Variants in ADAMTSL1 observed in about 807,000 individuals in gnomAD.
ADAMTSL1 encodes ADAMTS-like protein 1.
In ADAMTSL1, 126 loss-of-function variants were observed where a neutral mutation model predicts 201.8. The ratio of observed to expected loss-of-function variants is 0.62; its 90% confidence interval spans 0.54 to 0.72. The LOEUF (loss-of-function observed/expected upper bound fraction) is 0.72. Ranked by LOEUF, ADAMTSL1 falls within the 30% of genes least tolerant of loss-of-function variation. The pLI is 0.00. For missense variants in ADAMTSL1, 2,679 were observed against 2,277.8 expected, an observed-to-expected ratio of 1.18 and a Z score of -3.59; for synonymous variants, 1,121 against 903.4, an observed-to-expected ratio of 1.24 and a Z score of -4.32.
intron 5 of ADAMTSL1, chr9:18,622,685 G>A (rs367666243): frequency 1.5e-4 from 79 of 510,444 alleles, no homozygotes; most frequent in South Asian, 1.1e-3. Flanking sequence ...CAGCTCCTGC[G>A]TGATGTGTAG....
At chr9:17,973,071 G>T in intron 1 of ADAMTSL1, among the ~76,000 whole-genome samples, 1 of 22,564 alleles carries the variant, frequency 4.4e-5, no homozygotes, top group African/African-American at 1.2e-4. Context: ...TTAACCCTTT[G>T]TCAGATGAGT....
intron 1 of ADAMTSL1, among the ~76,000 whole-genome samples, chr9:18,030,262 C>G (rs1010091739): frequency 5.3e-5 from 8 of 152,110 alleles, no homozygotes; most frequent in Admixed American, 3.9e-4. Context: ...ATGGATGAAA[C>G]TGGAAACCAT....
At chr9:18,827,227 T>A (rs1824635111) in intron 22 of ADAMTSL1, among the ~76,000 whole-genome samples, 1 of 151,828 alleles carries the variant, frequency 6.6e-6, no homozygotes, top group Non-Finnish European at 1.5e-5. Flanking sequence ...GCACTTATGC[T>A]CTAATTATGC....
chr9:18,143,523 T>G (rs575813062), intron 1 of ADAMTSL1, among the ~76,000 whole-genome samples: 50 of 152,212 alleles, frequency 3.3e-4, no homozygotes, highest in African/African-American at 1.2e-3. Context: ...AAGCCGGGTT[T>G]TTTGTCACTC....
intron 21 of ADAMTSL1, among the ~76,000 whole-genome samples, chr9:18,824,180 AT>A (rs5896809): frequency 9.3e-5 from 14 of 149,818 alleles, no homozygotes; most frequent in East Asian, 5.9e-4. Flanking sequence ...AATGCCGTGG[AT>A]TTTTTTTTTT....
At chr9:18,808,707 T>C (rs1379885828) in intron 20 of ADAMTSL1, among the ~76,000 whole-genome samples, 8 of 152,348 alleles carry the variant, frequency 5.3e-5, no homozygotes, top group Middle Eastern at 3.4e-3. Flanking sequence ...TCTTGTATTA[T>C]AGCAGGACAG....
intron 2 of ADAMTSL1, among the ~76,000 whole-genome samples, chr9:18,174,779 G>T (rs1358199850): frequency 6.6e-6 from 1 of 152,038 alleles, no homozygotes; most frequent in Non-Finnish European, 1.5e-5. Flanking sequence ...TTTAAAATTT[G>T]TATCCTGTTT....
At chr9:18,790,260 G>A (rs1821946360) in intron 19 of ADAMTSL1, among the ~76,000 whole-genome samples, 1 of 152,126 alleles carries the variant, frequency 6.6e-6, no homozygotes, top group Admixed American at 6.5e-5. Flanking sequence ...TCACACAGTT[G>A]AATGACTTGC....
intron 5 of ADAMTSL1, among the ~76,000 whole-genome samples, chr9:18,632,412 A>G (rs542686783): frequency 3.3e-5 from 5 of 152,222 alleles, no homozygotes; most frequent in African/African-American, 1.2e-4. Flanking sequence ...CAGATGACAC[A>G]TAAGAAAAAG....
chr9:18,626,420 G>A (rs1826362587), intron 5 of ADAMTSL1, among the ~76,000 whole-genome samples: 1 of 152,326 alleles, frequency 6.6e-6, no homozygotes, highest in Middle Eastern at 3.4e-3. Flanking sequence ...GCAGAAGTCA[G>A]GGAGAAGAAA....
chr9:18,203,960 T>C (rs1213969672), intron 2 of ADAMTSL1, among the ~76,000 whole-genome samples: 2 of 152,060 alleles, frequency 1.3e-5, no homozygotes, highest in African/African-American at 2.4e-5. Flanking sequence ...CACAGGTAAT[T>C]TACTGGGGAG....
At chr9:18,126,857 G>A (rs1201111176) in intron 1 of ADAMTSL1, among the ~76,000 whole-genome samples, 1 of 152,124 alleles carries the variant, frequency 6.6e-6, no homozygotes, top group African/African-American at 2.4e-5. Context: ...TGAAAACCCA[G>A]ATTGCAACAA....
At chr9:18,889,799 C>T in intron 25 of ADAMTSL1, 51 bp downstream of exon 25, 2 of 1,402,084 alleles carry the variant, frequency 1.4e-6, no homozygotes, top group Non-Finnish European at 1.9e-6. Context: ...GAGGAGCCCT[C>T]CCTGTTAGCG....
chr9:18,230,825 A>T (rs1329607760), intron 2 of ADAMTSL1, among the ~76,000 whole-genome samples: 2 of 152,208 alleles, frequency 1.3e-5, no homozygotes. Context: ...CCAGATGTTA[A>T]AATTACATCC....
intron 1 of ADAMTSL1, among the ~76,000 whole-genome samples, chr9:18,068,399 A>C (rs959327936): frequency 6.6e-6 from 1 of 152,206 alleles, no homozygotes; most frequent in Non-Finnish European, 1.5e-5. Flanking sequence ...AGGTATTATA[A>C]GTAATCTACA....
At chr9:18,784,314 T>C (rs150432313) in intron 19 of ADAMTSL1, among the ~76,000 whole-genome samples, 223 of 152,350 alleles carry the variant, frequency 1.5e-3, no homozygotes, top group African/African-American at 5.2e-3. Flanking sequence ...CTCAAGGGCC[T>C]ATATTTAAGA....
chr9:18,672,122 TAG>T (rs1829856573), intron 9 of ADAMTSL1, among the ~76,000 whole-genome samples: 1 of 151,372 alleles, frequency 6.6e-6, no homozygotes, highest in African/African-American at 2.4e-5. Context: ...ATTTTTCTTG[TAG>T]AGAGAGATGT....
At chr9:18,839,444 G>T (rs184995932) in intron 23 of ADAMTSL1, among the ~76,000 whole-genome samples, 90 of 152,222 alleles carry the variant, frequency 5.9e-4, no homozygotes, top group Middle Eastern at 3.4e-3. Context: ...TGTTGGACAT[G>T]TGGCTTGGTT....
At chr9:18,771,803 A>C (rs1820709582) in intron 17 of ADAMTSL1, among the ~76,000 whole-genome samples, 1 of 142,216 alleles carries the variant, frequency 7.0e-6, no homozygotes, top group South Asian at 2.3e-4. Flanking sequence ...TTGCTTACAG[A>C]GGGCAAAGCG....
Sources: gnomAD v4.1 joint callset for allele counts (sites outside exome capture counted in the v4.1 genomes callset) on GRCh38, gnomAD v4.1.1 for gene constraint, MANE v1.5 for transcripts, NCBI Gene and HGNC (gene_info 2026-07-23, HGNC 2026-07-21) for gene names.